The following CNTNAP2 variants were observed in gnomAD, a reference collection of about 807,000 sequenced individuals.
CNTNAP2 encodes the protein contactin associated protein 2, also known as contactin-associated protein-like 2.
Under a neutral mutation model 155.2 loss-of-function variants are expected in CNTNAP2, and 98 were observed. The observed-to-expected ratio is 0.63, with a 90% confidence interval of 0.54 to 0.75. CNTNAP2 has a LOEUF of 0.75. CNTNAP2 is among the 30% of genes least tolerant of loss of function. The pLI is 0.00. For missense variants in CNTNAP2, 1,727 were observed against 1,688.1 expected (o/e 1.02, Z -0.40); for synonymous variants, 651 against 631.2 (o/e 1.03, Z -0.47).
chr7:147,343,540 T>A (rs1795798343), intron 9 of CNTNAP2, among the ~76,000 whole-genome samples: 1 of 152,182 alleles, frequency 6.6e-6, no homozygotes, highest in African/African-American at 2.4e-5. Context: ...TTTATTTACT[T>A]TTATTTTCCA....
chr7:146,302,588 G>T (rs1305472854), intron 1 of CNTNAP2, among the ~76,000 whole-genome samples: 1 of 152,108 alleles, frequency 6.6e-6, no homozygotes, highest in African/African-American at 2.4e-5. Context: ...ACAATATTGC[G>T]TATCTAAAAC....
At chr7:147,651,432 G>A (rs538308274) in intron 13 of CNTNAP2, among the ~76,000 whole-genome samples, 18 of 152,320 alleles carry the variant, frequency 1.2e-4, no homozygotes, top group African/African-American at 3.8e-4. Flanking sequence ...ACTGGACCCC[G>A]TAGCTAAGTT....
chr7:147,759,593 A>G (rs1449376066), intron 13 of CNTNAP2, among the ~76,000 whole-genome samples: 1 of 152,202 alleles, frequency 6.6e-6, no homozygotes, highest in East Asian at 1.9e-4. Flanking sequence ...CAGCTTTCCT[A>G]ATAATTCAAA....
At chr7:147,732,223 T>C in intron 13 of CNTNAP2, among the ~76,000 whole-genome samples, 1 of 124,396 alleles carries the variant, frequency 8.0e-6, no homozygotes, top group South Asian at 2.9e-4. Context: ...GTGTGTGATG[T>C]TCCCCTTCCT....
intron 8 of CNTNAP2, among the ~76,000 whole-genome samples, chr7:147,255,065 G>A (rs1804291592): frequency 6.6e-6 from 1 of 152,192 alleles, no homozygotes; most frequent in Non-Finnish European, 1.5e-5. Flanking sequence ...AAGAAGCAAA[G>A]TGTGCATAGA....
intron 8 of CNTNAP2, among the ~76,000 whole-genome samples, chr7:147,269,001 T>C (rs1160919689): frequency 6.6e-6 from 1 of 151,982 alleles, no homozygotes; most frequent in African/African-American, 2.4e-5. Flanking sequence ...GATGCTCGAG[T>C]CTCTAATTTT....
chr7:146,448,971 T>C (rs1268196632), intron 1 of CNTNAP2, among the ~76,000 whole-genome samples: 1 of 152,076 alleles, frequency 6.6e-6, no homozygotes, highest in Non-Finnish European at 1.5e-5. Context: ...CTAAATCTGT[T>C]ATTACAGTGC....
At chr7:147,826,995 A>G (rs183111236) in intron 13 of CNTNAP2, among the ~76,000 whole-genome samples, 16 of 148,852 alleles carry the variant, frequency 1.1e-4, no homozygotes, top group Admixed American at 8.8e-4. Flanking sequence ...CAGTGGTGCA[A>G]TCTCGGCTCA....
intron 1 of CNTNAP2, among the ~76,000 whole-genome samples, chr7:146,242,017 CT>C (rs1799570915): frequency 6.6e-6 from 1 of 152,060 alleles, no homozygotes; most frequent in South Asian, 2.1e-4. Flanking sequence ...AATTACATAA[CT>C]TCTTCACATG....
At chr7:146,978,456 GCTAAA>G (rs1797954810) in intron 3 of CNTNAP2, among the ~76,000 whole-genome samples, 1 of 152,090 alleles carries the variant, frequency 6.6e-6, no homozygotes, top group Admixed American at 6.6e-5. Flanking sequence ...TTGGAATAAT[GCTAAA>G]CTACATGGTC....
intron 11 of CNTNAP2, among the ~76,000 whole-genome samples, chr7:147,514,366 G>A (rs538884378): frequency 1.3e-5 from 2 of 151,662 alleles, no homozygotes; most frequent in African/African-American, 4.8e-5. Flanking sequence ...GTAAAATCAT[G>A]TATTTTATAT....
chr7:147,213,021 T>G (rs545546274), intron 8 of CNTNAP2, among the ~76,000 whole-genome samples: 1 of 152,168 alleles, frequency 6.6e-6, no homozygotes, highest in Non-Finnish European at 1.5e-5. Context: ...ACCAACAGAA[T>G]GGGATATATA....
chr7:146,596,373 T>A (rs74924275), intron 1 of CNTNAP2, among the ~76,000 whole-genome samples: 1,680 of 151,882 alleles, frequency 0.011, 18 homozygotes, highest in Non-Finnish European at 0.019. Context: ...AAAGGCTGTG[T>A]AATAATGAGA....
intron 3 of CNTNAP2, among the ~76,000 whole-genome samples, chr7:146,870,251 C>A (rs1257248862): frequency 6.7e-6 from 1 of 149,210 alleles, no homozygotes; most frequent in African/African-American, 2.5e-5. Context: ...ATTACTGATT[C>A]AATTTTGGAG....
intron 3 of CNTNAP2, among the ~76,000 whole-genome samples, chr7:146,970,713 A>G (rs1029176818): frequency 2.0e-5 from 3 of 152,210 alleles, no homozygotes; most frequent in Non-Finnish European, 1.5e-5. Context: ...ATTACTGGGT[A>G]TATACCCAAA....
intron 9 of CNTNAP2, among the ~76,000 whole-genome samples, chr7:147,333,608 G>A (rs757461150): frequency 1.2e-4 from 19 of 152,034 alleles, no homozygotes; most frequent in South Asian, 4.1e-4. Context: ...AGATGACTAA[G>A]TAAATATAAT....
chr7:147,268,082 AG>A (rs1332874883), intron 8 of CNTNAP2, among the ~76,000 whole-genome samples: 1 of 152,332 alleles, frequency 6.6e-6, no homozygotes, highest in African/African-American at 2.4e-5. Flanking sequence ...CACCTTAATA[AG>A]AAAGGTAAAT....
intron 11 of CNTNAP2, among the ~76,000 whole-genome samples, chr7:147,513,829 C>T (rs117233482): frequency 0.012 from 1,852 of 152,318 alleles, 19 homozygotes; most frequent in Middle Eastern, 0.027. Context: ...CTTCAATCTG[C>T]ACCCGGGGGA....
intron 13 of CNTNAP2, among the ~76,000 whole-genome samples, chr7:147,805,170 C>A (rs1584964842): frequency 6.6e-6 from 1 of 151,838 alleles, no homozygotes; most frequent in East Asian, 1.9e-4. Context: ...CACCCAGGTT[C>A]AAGCGATTCT....
Sources: gnomAD v4.1 joint callset for allele counts (sites outside exome capture counted in the v4.1 genomes callset) on GRCh38, gnomAD v4.1.1 for gene constraint, MANE v1.5 for transcripts, NCBI Gene and HGNC (gene_info 2026-07-23, HGNC 2026-07-21) for gene names.